TEX50: variants seen among roughly 807,000 people sequenced by gnomAD.
TEX50 encodes the protein testis expressed 50.
Under a neutral mutation model 9.8 loss-of-function variants are expected in TEX50, and 3 were observed. The ratio of observed to expected loss-of-function variants is 0.31; its 90% CI spans 0.14 to 0.79. TEX50 has a LOEUF of 0.79. Among genes scored for constraint, TEX50 ranks in the 30% least tolerant of loss-of-function variants. The pLI, the probability that TEX50 is intolerant of heterozygous loss-of-function variation, is 0.63. For synonymous variants in TEX50, 61 were observed against 72.1 expected, an observed-to-expected ratio of 0.85 and a Z score of 0.78; for missense variants, 164 against 199.3, an observed-to-expected ratio of 0.82 and a Z score of 1.07.
At chr1:173,635,884 C>A in intron 1 of TEX50, 39 bp downstream of exon 1, 1 of 1,404,384 alleles carries the variant, frequency 7.1e-7, no homozygotes, top group South Asian at 1.3e-5. Context: ...TACAAAATCT[C>A]TAAGGGTTTA....
rs764890033 is a variant in TEX50, at chr1:173,635,854, G to A, written c.324+9G>A. The A allele has an allele frequency of 1.3e-5, 20 of 1,506,930 alleles. No homozygotes were observed. In the South Asian group the frequency reaches 1.7e-4, roughly 13 times the overall value. The allele number at this position is 1,506,930 out of a possible 1,614,324, so 93.3% of individuals were successfully genotyped here. On this transcript the variant is annotated intron_variant, in intron 1 of 1. Transcript: ENST00000417563. ...AGAAACACCAAAAAAAGGTGAATTC[G>A]TGATACAAGTAGTAATAGTTACAAA...
In TEX50 at chr1:173,637,101, G is replaced by A. The variant is rs901177848; in HGVS notation, c.*65G>A. 8.6e-7 allele frequency: 1 copy of A among 1,162,764 alleles called. No individual in the cohort carries two copies. The highest frequency in any genetic ancestry group is 2.4e-4 in the Middle Eastern group (1 of 4,212). 72.0% of individuals were successfully genotyped at this position (1,162,764 alleles called of 1,614,324 possible). On this transcript the variant is annotated 3_prime_UTR_variant, in exon 2 of 2. Coordinates refer to ENST00000417563, the MANE Select transcript of TEX50 (RefSeq NM_001195190.3). ...ATCACAAAAGAAATCTATCATCTAA[G>A]GATTAAAAATTGTTCTTTGGAAACC...
rs1320171669 is a variant in TEX50 at position 173,635,860 on chromosome 1, C to T, written c.324+15C>T. The T allele has an allele frequency of 4.0e-6, 6 of 1,492,736 alleles. No homozygotes were observed. The highest frequency in any genetic ancestry group is 4.5e-6 in the Non-Finnish European group (5 of 1,112,692). 92.5% of individuals were successfully genotyped at this position (1,492,736 alleles called of 1,614,324 possible). On this transcript the variant is annotated intron_variant, in intron 1 of 1. Transcript: ENST00000417563. Reference sequence around the variant, plus strand: ...ACCAAAAAAAGGTGAATTCGTGATACAAGTAGTAATAGTTACAAAATCTCT... The same window carrying T: ...ACCAAAAAAAGGTGAATTCGTGATATAAGTAGTAATAGTTACAAAATCTCT...
At position 173,635,466 on chromosome 1, in the gene TEX50, T is replaced by C. The variant is rs1178215908; in HGVS notation, c.-56T>C. 3 of 1,194,330 alleles carry C rather than the reference T, an allele frequency of 2.5e-6. No individual in the cohort carries two copies. Among genetic ancestry groups the C allele is most frequent in the African/African-American group, 1.5e-5 (1 of 64,838 alleles). 74.0% of individuals were successfully genotyped at this position (1,194,330 alleles called of 1,614,324 possible). A position where few individuals can be genotyped will look rare whatever the true frequency, so the allele number is the denominator to read the frequency against. On this transcript the variant is annotated 5_prime_UTR_variant, in exon 1 of 2. Coordinates refer to ENST00000417563, the MANE Select transcript of TEX50 (RefSeq NM_001195190.3). ...ATTTTATTTTATTATTTAGCTAATTTAGCTATTTTAAAATAGCTAAATTTT... is the reference window on the plus strand; with the variant it reads ...ATTTTATTTTATTATTTAGCTAATTCAGCTATTTTAAAATAGCTAAATTTT...
In TEX50 at chr1:173,636,937, C is replaced by T. The variant is rs1668472555; in HGVS notation, c.435C>T (p.Tyr145=). Residue 145 remains tyrosine (Y), a synonymous_variant, in exon 2 of 2, where the codon TAC becomes TAT. Coordinates refer to ENST00000417563, the MANE Select transcript of TEX50 (RefSeq NM_001195190.3). ...HRVATTASVI[Y]KIWEHRSHHP... is the part of the protein sequence containing the mutation. ...TGGCAACCACAGCATCAGTGATATA[C>T]AAGATCTGGGAGCACAGGTCTCACC... The T allele has an allele frequency of 6.5e-7, 1 of 1,535,562 alleles. No individual in the cohort carries two copies. Among genetic ancestry groups the T allele is most frequent in the Non-Finnish European group, 8.7e-7 (1 of 1,146,644 alleles).
In TEX50 at chr1:173,635,857, A is replaced by G; in HGVS notation, c.324+12A>G. The G allele has an allele frequency of 2.7e-6, 4 of 1,502,612 alleles. No individual in the cohort carries two copies. The highest frequency in any genetic ancestry group is 3.6e-6 in the Non-Finnish European group (4 of 1,120,958). 93.1% of individuals were successfully genotyped at this position (1,502,612 alleles called of 1,614,324 possible). A position where few individuals can be genotyped will look rare whatever the true frequency, so the allele number is the denominator to read the frequency against. The stretch of plus-strand genomic sequence containing the variant: ...AACACCAAAAAAAGGTGAATTCGTG[A>G]TACAAGTAGTAATAGTTACAAAATC... On this transcript the variant is annotated intron_variant, in intron 1 of 1. Coordinates refer to ENST00000417563, the MANE Select transcript of TEX50 (RefSeq NM_001195190.3).
intron 1 of TEX50, 53 bp from the exon 2 acceptor site, chr1:173,636,774 T>C (rs1668463435): frequency 7.8e-7 from 1 of 1,276,046 alleles, no homozygotes; most frequent in African/African-American, 1.5e-5. Context: ...TACTATAGTA[T>C]TGAACTCTAC....
In TEX50 at chr1:173,635,610, G is replaced by A; in HGVS notation, c.89G>A (p.Trp30Ter). The change falls in exon 1 of 2, where the codon TGG becomes TAG. Residue 30 changes from tryptophan (W) to a stop codon, truncating the protein, a stop_gained. Transcript: ENST00000417563. LOFTEE classifies it high-confidence loss of function. ...TTCTGCATTTGTGATGGAACTGTCT[G>A]GACAAAGGTTGGATGGGAGATTCTT... ...ESFCICDGTV[W>*]TKVGWEILPE... 6.5e-7 allele frequency: 1 copy of A among 1,535,464 alleles called. No individual in the cohort carries two copies. Among genetic ancestry groups the A allele is most frequent in the South Asian group, 1.2e-5 (1 of 84,030 alleles).
rs1668403294 is a variant in TEX50, at chr1:173,635,708, T to C, written c.187T>C (p.Cys63Arg). ...CCTGCCTTATCTTCTGGATAAACTATGCTGCGACTTTGCTAACATGGATAT... is the reference window on the plus strand; with the variant it reads ...CCTGCCTTATCTTCTGGATAAACTACGCTGCGACTTTGCTAACATGGATAT... Reference protein sequence around the residue: ...HCLPYLLDKLCCDFANMDIFQ... With the variant: ...HCLPYLLDKLRCDFANMDIFQ... Residue 63 changes from cysteine (C) to arginine (R), a missense_variant, in exon 1 of 2, where the codon TGC becomes CGC. Cys to Arg is a radical substitution (Grantham distance 180). Coordinates refer to ENST00000417563, the MANE Select transcript of TEX50 (RefSeq NM_001195190.3). The C allele has an allele frequency of 6.5e-7, 1 of 1,535,616 alleles. No homozygotes were observed. Among genetic ancestry groups the C allele is most frequent in the Non-Finnish European group, 8.7e-7 (1 of 1,146,592 alleles).
Position 173,636,051 on chromosome 1 carries a change from T to A in TEX50, c.324+206T>A, listed in dbSNP as rs957413538. 4.7e-4 allele frequency among the ~76,000 whole-genome samples: 71 copies of A among 152,088 alleles called. 1 individual carries two copies. The highest frequency in any genetic ancestry group is 1.6e-3 in the African/African-American group (65 of 41,436). On this transcript the variant is annotated intron_variant, in intron 1 of 1. Transcript: ENST00000417563. ...GTATTGAATTAGAAGGTCCTTAGAA[T>A]CATCTAGCCCCCTCTACTTCAAGTT...
Position 173,635,351 on chromosome 1 carries a change from T to C in TEX50, c.-171T>C. The stretch of plus-strand genomic sequence containing the variant: ...CCTTTGCTGGGCATATTTTGCTGAC[T>C]GGCAAGGTTATATGAAGTGCTTTTA... On this transcript the variant is annotated 5_prime_UTR_variant, in exon 1 of 2. Transcript: ENST00000417563. The C allele has an allele frequency of 1.7e-6, 1 of 583,384 alleles. No homozygotes were observed. Among genetic ancestry groups the C allele is most frequent in the Non-Finnish European group, 3.0e-6 (1 of 334,698 alleles). 36.1% of individuals were successfully genotyped at this position (583,384 alleles called of 1,614,324 possible).
chr1:173,636,879 T>C lies in TEX50; in HGVS notation c.377T>C (p.Leu126Ser), dbSNP rs950825777. Residue 126 changes from leucine (L) to serine (S), a missense_variant, in exon 2 of 2, where the codon TTG (leucine) becomes TCG (serine). By Grantham distance (145) the Leu-to-Ser change is moderately radical. Transcript: ENST00000417563. Reference protein sequence around the residue: ...EKPGNDLESPLINNIDQTLHR... With the variant: ...EKPGNDLESPSINNIDQTLHR... ...CCTGGTAATGATCTAGAAAGCCCAT[T>C]GATCAACAACATTGACCAAACACTC... 1.2e-5 allele frequency: 19 copies of C among 1,535,812 alleles called. No homozygotes were observed. In the African/African-American group the frequency reaches 1.9e-4, roughly 15 times the overall value.
In TEX50 at chr1:173,636,982, T is replaced by G. The variant is rs1243201765; in HGVS notation, c.480T>G (p.Ile160Met). 3.3e-6 allele frequency: 5 copies of G among 1,535,482 alleles called. No individual in the cohort carries two copies. The South Asian group carries it at 5.9e-5, about 18-fold the overall frequency. Residue 160 changes from isoleucine to methionine, a missense_variant, in exon 2 of 2, where the codon ATT becomes ATG. Ile to Met is a conservative substitution (Grantham distance 10, BLOSUM62 1). This residue lies in a region of TEX50 where 135 missense variants were observed against 154.2 expected (regional missense o/e 0.88). Transcript: ENST00000417563. ...HRSHHPSSKK[I>M]KHCKLKKKSK... ...CTCACCATCCTTCCTCTAAGAAAAT[T>G]AAGCACTGCAAATTAAAGAAGAAGA...
rs1341013744 is a variant in TEX50, at chr1:173,637,051, A to G, written c.*15A>G. 2 of 1,432,844 alleles carry G rather than the reference A, an allele frequency of 1.4e-6. No individual in the cohort carries two copies. Among genetic ancestry groups the G allele is most frequent in the Non-Finnish European group, 1.9e-6 (2 of 1,054,994 alleles). The allele number at this position is 1,432,844 out of a possible 1,614,324, so 88.8% of individuals were successfully genotyped here. A position where few individuals can be genotyped will look rare whatever the true frequency, so the allele number is the denominator to read the frequency against. On this transcript the variant is annotated 3_prime_UTR_variant, in exon 2 of 2. Coordinates refer to ENST00000417563, the MANE Select transcript of TEX50 (RefSeq NM_001195190.3). ...GAAGATACTAAATAAATGCATATGC[A>G]AATGTAGCTTAGTCAATTATAGATA...
chr1:173,636,312 T>C (rs888734682), intron 1 of TEX50, among the ~76,000 whole-genome samples: 1 of 152,194 alleles, frequency 6.6e-6, no homozygotes, highest in Non-Finnish European at 1.5e-5. Flanking sequence ...TTAGAACAAC[T>C]TTCTGAGAAA....
rs931884381 is a variant in TEX50 at position 173,635,453 on chromosome 1, T to C, written c.-69T>C. The stretch of plus-strand genomic sequence containing the variant: ...AGGGAATTTAGTTATTTTATTTTAT[T>C]ATTTAGCTAATTTAGCTATTTTAAA... On this transcript the variant is annotated 5_prime_UTR_variant, in exon 1 of 2. Transcript: ENST00000417563. 1 of 1,078,350 alleles carries C rather than the reference T, an allele frequency of 9.3e-7. No individual in the cohort carries two copies. Among genetic ancestry groups the C allele is most frequent in the Non-Finnish European group, 1.3e-6 (1 of 772,418 alleles). 66.8% of individuals were successfully genotyped at this position (1,078,350 alleles called of 1,614,324 possible). A position where few individuals can be genotyped will look rare whatever the true frequency, so the allele number is the denominator to read the frequency against.
In TEX50 at chr1:173,636,972, C is replaced by T. The variant is rs1668474323; in HGVS notation, c.470C>T (p.Ser157Phe). 4.6e-6 allele frequency: 7 copies of T among 1,535,636 alleles called. No homozygotes were observed. Among genetic ancestry groups the T allele is most frequent in the Non-Finnish European group, 6.1e-6 (7 of 1,146,692 alleles). The change falls in exon 2 of 2, where the codon TCT (serine) becomes TTT (phenylalanine). Residue 157 changes from serine to phenylalanine, a missense_variant. By Grantham distance (155) the Ser-to-Phe change is radical (BLOSUM62 -2). Around this residue, in one of 3 missense-constraint regions of TEX50, gnomAD observed 135 missense variants for 154.2 expected, o/e 0.88. Transcript: ENST00000417563. The stretch of plus-strand genomic sequence containing the variant: ...GAGCACAGGTCTCACCATCCTTCCT[C>T]TAAGAAAATTAAGCACTGCAAATTA... ...IWEHRSHHPS[S>F]KKIKHCKLKK... is the part of the protein sequence containing the mutation.
In TEX50 at chr1:173,636,780, TCTA is replaced by T; in HGVS notation, c.325-44_325-42del. The T allele has an allele frequency of 1.5e-6, 2 of 1,337,360 alleles. 1 individual carries two copies. Among genetic ancestry groups the T allele is most frequent in the Middle Eastern group, 3.6e-4 (2 of 5,556 alleles). The allele number at this position is 1,337,360 out of a possible 1,614,324, so 82.8% of individuals were successfully genotyped here. A position where few individuals can be genotyped will look rare whatever the true frequency, so the allele number is the denominator to read the frequency against. ...TATTAACTATACTATAGTATTGAAC[TCTA>T]CTGTTTTATGTAGATAAAATCTGTA... On this transcript the variant is annotated intron_variant, in intron 1 of 1. Transcript: ENST00000417563.
In TEX50 at chr1:173,635,530, T is replaced by C; in HGVS notation, c.9T>C (p.Asn3=). 6.6e-7 allele frequency: 1 copy of C among 1,522,840 alleles called. No individual in the cohort carries two copies. The highest frequency in any genetic ancestry group is 8.8e-7 in the Non-Finnish European group (1 of 1,139,366). The allele number at this position is 1,522,840 out of a possible 1,614,324, so 94.3% of individuals were successfully genotyped here. Residue 3 remains asparagine (N), a synonymous_variant, in exon 1 of 2, where the codon AAT becomes AAC. Transcript: ENST00000417563. The stretch of plus-strand genomic sequence containing the variant: ...TCAATTGACAAAGAAGGATGTCTAA[T>C]CAAAGACTACCGCTGATTTTTTCTC... The part of the protein sequence containing the change: MS[N]QRLPLIFSLL...
Sources: allele counts gnomAD v4.1 joint callset (sites outside exome capture counted in the v4.1 genomes callset), GRCh38; gene constraint gnomAD v4.1.1; regional missense constraint gnomAD v4.1.1; transcripts MANE v1.5; gene names NCBI Gene and HGNC (gene_info 2026-07-23, HGNC 2026-07-21).